PRR16: variants seen among roughly 807,000 people sequenced by gnomAD.
PRR16 encodes the protein proline rich 16.
Under a neutral mutation model 18.2 loss-of-function variants are expected in PRR16, and 6 were observed. The ratio of observed to expected loss-of-function variants is 0.33; its 90% CI spans 0.18 to 0.65. PRR16 has a LOEUF of 0.65. PRR16 is among the 30% of genes least tolerant of loss of function. PRR16 has a pLI of 0.74. For synonymous variants in PRR16, 151 were observed against 147.8 expected (o/e 1.02, Z -0.16); for missense variants, 412 against 376.6 (o/e 1.09, Z -0.78).
At chr5:120,601,982 C>G (rs916541122) in intron 1 of PRR16, among the ~76,000 whole-genome samples, 2 of 151,822 alleles carry the variant, frequency 1.3e-5, no homozygotes, top group African/African-American at 4.8e-5. Flanking sequence ...TAATATAGTT[C>G]AAAGTCAGGT....
chr5:120,610,568 G>A (rs745673411), intron 1 of PRR16, among the ~76,000 whole-genome samples: 3 of 151,972 alleles, frequency 2.0e-5, no homozygotes, highest in South Asian at 4.1e-4. Flanking sequence ...CTACTCTCAC[G>A]ATAGTGAATA....
At chr5:120,775,118 C>T in the PRR16 span, among the ~76,000 whole-genome samples, 1 of 152,116 alleles carries the variant, frequency 6.6e-6, no homozygotes. Context: ...ACAATATCAA[C>T]AAAGAGTTCC....
chr5:120,670,827 A>T (rs2150146197), intron 1 of PRR16, among the ~76,000 whole-genome samples: 1 of 152,258 alleles, frequency 6.6e-6, no homozygotes, highest in East Asian at 1.9e-4. Flanking sequence ...CTAACGCAAA[A>T]ATAATATAAT....
chr5:120,712,834 A>C, the PRR16 span, among the ~76,000 whole-genome samples: 1 of 152,326 alleles, frequency 6.6e-6, no homozygotes, highest in East Asian at 1.9e-4. Flanking sequence ...AAGTGTTGGC[A>C]AGAGTGTTGA....
chr5:120,592,758 G>T (rs922537154), intron 1 of PRR16, among the ~76,000 whole-genome samples: 5 of 152,006 alleles, frequency 3.3e-5, no homozygotes, highest in Non-Finnish European at 5.9e-5. Flanking sequence ...AATTCATAGG[G>T]TATGTAGAAG....
chr5:120,741,490 T>G, the PRR16 span, among the ~76,000 whole-genome samples: 4 of 152,248 alleles, frequency 2.6e-5, no homozygotes, highest in South Asian at 8.3e-4. Flanking sequence ...TTTTGGCATT[T>G]TAGGCCAATG....
chr5:120,580,552 T>C (rs1753238449), intron 1 of PRR16, among the ~76,000 whole-genome samples: 1 of 151,070 alleles, frequency 6.6e-6, no homozygotes, highest in African/African-American at 2.4e-5. Flanking sequence ...CCTCCCAGGT[T>C]CACGCCATTC....
At chr5:120,785,599 G>A in the PRR16 span, among the ~76,000 whole-genome samples, 533 of 61,290 alleles carry the variant, frequency 8.7e-3, 6 homozygotes, top group African/African-American at 0.03. Flanking sequence ...TTGAGACAGA[G>A]TCTTTCTCTG....
rs1749004449 is a variant in PRR16, at chr5:120,464,325, C to G, written c.-162C>G. 4.5e-5 allele frequency: 31 copies of G among 692,164 alleles called. No homozygotes were observed. The highest frequency in any genetic ancestry group is 6.4e-5 in the Non-Finnish European group (30 of 472,424). The allele number at this position is 692,164 out of a possible 1,614,324, so 42.9% of individuals were successfully genotyped here. On this transcript the variant is annotated 5_prime_UTR_variant, in exon 1 of 2. Transcript: ENST00000407149. ...AGTTGATGGCAGCACCACTGTGCGGCCGCCCGGCCGAGCGCGGAGCGCAGC... is the reference window on the plus strand; with the variant it reads ...AGTTGATGGCAGCACCACTGTGCGGGCGCCCGGCCGAGCGCGGAGCGCAGC...
At chr5:120,681,958 C>A (rs752396595) in intron 1 of PRR16, among the ~76,000 whole-genome samples, 94 of 152,230 alleles carry the variant, frequency 6.2e-4, no homozygotes, top group South Asian at 1.2e-3. Context: ...AAACTGTGTA[C>A]TTTAGAGGAC....
chr5:120,490,987 T>G (rs1431665489), intron 1 of PRR16, among the ~76,000 whole-genome samples: 6 of 152,136 alleles, frequency 3.9e-5, no homozygotes, highest in Non-Finnish European at 5.9e-5. Flanking sequence ...GAACAGCAAA[T>G]GTTGCTGCCT....
rs112141144 is a variant in PRR16, at chr5:120,494,560, C to T, written c.159+29915C>T. On this transcript the variant is annotated intron_variant, in intron 1 of 1. Transcript: ENST00000407149. ...GATAATATGTTCTCTCACACTGTAT[C>T]TTGTCTTTTCTCCCTCTTCACGAGG... Among the ~76,000 whole-genome samples the T allele has an allele frequency of 2.2e-3, 328 of 152,122 alleles. 1 individual carries two copies. The highest frequency in any genetic ancestry group is 7.3e-3 in the African/African-American group (304 of 41,518).
At chr5:120,749,121 T>C in the PRR16 span, among the ~76,000 whole-genome samples, 1 of 152,114 alleles carries the variant, frequency 6.6e-6, no homozygotes, top group Non-Finnish European at 1.5e-5. Flanking sequence ...AAACATATAA[T>C]GCATATATCT....
At chr5:120,634,582 G>A (rs991333002) in intron 1 of PRR16, among the ~76,000 whole-genome samples, 4 of 152,158 alleles carry the variant, frequency 2.6e-5, no homozygotes, top group Non-Finnish European at 5.9e-5. Flanking sequence ...GGTGGAGGTT[G>A]CAGTGAGCCA....
chr5:120,669,598 C>G (rs1042828495), intron 1 of PRR16, among the ~76,000 whole-genome samples: 2 of 152,006 alleles, frequency 1.3e-5, no homozygotes, highest in Non-Finnish European at 2.9e-5. Context: ...CCTCCACATA[C>G]TAAAATTGAA....
intron 1 of PRR16, among the ~76,000 whole-genome samples, chr5:120,661,559 T>G (rs1756173816): frequency 6.6e-6 from 1 of 152,082 alleles, no homozygotes; most frequent in Admixed American, 6.6e-5. Flanking sequence ...ATCCTAAAAG[T>G]AGCATTCCTT....
intron 1 of PRR16, among the ~76,000 whole-genome samples, chr5:120,580,013 T>C (rs1753214598): frequency 1.3e-5 from 2 of 152,202 alleles, no homozygotes; most frequent in Non-Finnish European, 2.9e-5. Flanking sequence ...GAGAGTTCAT[T>C]CATGATTTGG....
intron 1 of PRR16, among the ~76,000 whole-genome samples, chr5:120,548,114 G>GA (rs1042667807): frequency 2.6e-5 from 4 of 151,826 alleles, no homozygotes; most frequent in Non-Finnish European, 5.9e-5. Context: ...CTTGATTTTA[G>GA]AAAAAAACAC....
At chr5:120,791,727 C>CTGTT in the PRR16 span, among the ~76,000 whole-genome samples, 1 of 151,838 alleles carries the variant, frequency 6.6e-6, no homozygotes, top group Non-Finnish European at 1.5e-5. Flanking sequence ...TCAAAAAGGG[C>CTGTT]TGTTTGTAGT....
Sources: gnomAD v4.1 joint callset for allele counts (sites outside exome capture counted in the v4.1 genomes callset) on GRCh38, gnomAD v4.1.1 for gene constraint, MANE v1.5 for transcripts, NCBI Gene and HGNC (gene_info 2026-07-23, HGNC 2026-07-21) for gene names.